The following MCTP1 variants were observed in gnomAD, a reference collection of about 807,000 sequenced individuals.
MCTP1 encodes the protein multiple C2 and transmembrane domain containing 1.
A neutral mutation model predicts 120.6 loss-of-function variants in MCTP1; 69 were observed. The observed-to-expected ratio is 0.57, with a 90% CI of 0.47 to 0.70. The LOEUF is 0.70. Among genes scored for constraint, MCTP1 ranks in the 30% least tolerant of loss-of-function variants. The pLI, the probability that MCTP1 is intolerant of heterozygous loss-of-function variation, is 0.00. For synonymous variants in MCTP1, 529 were observed against 493.1 expected, an observed-to-expected ratio of 1.07 and a Z score of -0.96; for missense variants, 1,203 against 1,248.8, an observed-to-expected ratio of 0.96 and a Z score of 0.55.
chr5:94,882,184 G>T (rs1167402252), intron 12 of MCTP1, among the ~76,000 whole-genome samples: 2 of 152,148 alleles, frequency 1.3e-5, no homozygotes, highest in East Asian at 3.9e-4. Flanking sequence ...ACATATACTG[G>T]TCTCACATAA....
intron 1 of MCTP1, among the ~76,000 whole-genome samples, chr5:95,146,568 T>C (rs1010018541): frequency 6.6e-6 from 1 of 152,170 alleles, no homozygotes; most frequent in Non-Finnish European, 1.5e-5. Context: ...CCCCAAAATT[T>C]TGGTAAGTTG....
At chr5:95,023,344 G>C (rs1838570122) in intron 1 of MCTP1, among the ~76,000 whole-genome samples, 1 of 152,208 alleles carries the variant, frequency 6.6e-6, no homozygotes, top group Non-Finnish European at 1.5e-5. Context: ...ATTTACAACT[G>C]TTCAGTTTAA....
intron 19 of MCTP1, among the ~76,000 whole-genome samples, chr5:94,740,127 TATC>T (rs754289953): frequency 4.7e-4 from 71 of 152,336 alleles, no homozygotes; most frequent in Non-Finnish European, 5.7e-4. Flanking sequence ...CATGTTGACT[TATC>T]ATTCTTAAAA....
intron 12 of MCTP1, among the ~76,000 whole-genome samples, chr5:94,883,237 T>C (rs1465147729): frequency 6.6e-6 from 1 of 152,196 alleles, no homozygotes; most frequent in Non-Finnish European, 1.5e-5. Flanking sequence ...CCAGGTATAT[T>C]ACCGTGATAA....
intron 2 of MCTP1, among the ~76,000 whole-genome samples, chr5:94,993,800 T>C (rs905932339): frequency 2.0e-5 from 3 of 152,210 alleles, no homozygotes; most frequent in African/African-American, 7.2e-5. Context: ...AATGTAGGCA[T>C]TAAAAACTTA....
chr5:94,988,868 A>C (rs1221113573), intron 2 of MCTP1, among the ~76,000 whole-genome samples: 2 of 152,074 alleles, frequency 1.3e-5, no homozygotes, highest in Non-Finnish European at 2.9e-5. Context: ...GGAGAGAGAG[A>C]ATGAGAGTCC....
intron 1 of MCTP1, among the ~76,000 whole-genome samples, chr5:95,226,292 G>A (rs760908060): frequency 5.3e-5 from 8 of 152,092 alleles, no homozygotes; most frequent in Non-Finnish European, 7.4e-5. Flanking sequence ...TTTAAATAGA[G>A]TATTGTGGCT....
intron 12 of MCTP1, among the ~76,000 whole-genome samples, chr5:94,887,407 A>G (rs1801579088): frequency 6.6e-6 from 1 of 152,182 alleles, no homozygotes; most frequent in Non-Finnish European, 1.5e-5. Flanking sequence ...TTGAAAATCA[A>G]TGACAGCTTC....
chr5:94,892,330 T>C (rs1297724132), intron 11 of MCTP1, among the ~76,000 whole-genome samples: 1 of 152,168 alleles, frequency 6.6e-6, no homozygotes, highest in African/African-American at 2.4e-5. Flanking sequence ...GACTGTGAAA[T>C]GTCATAATAA....
intron 3 of MCTP1, among the ~76,000 whole-genome samples, chr5:94,944,469 G>A (rs2153513699): frequency 6.6e-6 from 1 of 152,252 alleles, no homozygotes; most frequent in Admixed American, 6.5e-5. Flanking sequence ...AATTTCTCTT[G>A]TGGAATCTCA....
At chr5:95,254,482 C>G (rs1180769157) in intron 1 of MCTP1, among the ~76,000 whole-genome samples, 1 of 152,040 alleles carries the variant, frequency 6.6e-6, no homozygotes, top group Non-Finnish European at 1.5e-5. Flanking sequence ...TACATCTTAC[C>G]CACAAGCTTA....
At chr5:95,137,100 C>T (rs1759504835) in intron 1 of MCTP1, among the ~76,000 whole-genome samples, 1 of 152,174 alleles carries the variant, frequency 6.6e-6, no homozygotes, top group Non-Finnish European at 1.5e-5. Flanking sequence ...CAGTGTGATG[C>T]CCCCTGCTTA....
At chr5:95,280,859 C>G (rs1488948145) in intron 1 of MCTP1, among the ~76,000 whole-genome samples, 1 of 152,154 alleles carries the variant, frequency 6.6e-6, no homozygotes, top group East Asian at 1.9e-4. Context: ...CTTTCCCCAG[C>G]CGTCCAAACT....
intron 17 of MCTP1, among the ~76,000 whole-genome samples, chr5:94,856,159 C>A (rs934564929): frequency 6.6e-6 from 1 of 151,780 alleles, no homozygotes; most frequent in Admixed American, 6.6e-5. Flanking sequence ...AATCCCTGTG[C>A]TAACAGTGGT....
chr5:95,240,928 C>T (rs1756096827), intron 1 of MCTP1, among the ~76,000 whole-genome samples: 1 of 151,918 alleles, frequency 6.6e-6, no homozygotes, highest in East Asian at 1.9e-4. Flanking sequence ...TCTCCACCCA[C>T]CTCTTTTCTT....
At chr5:95,033,695 A>G (rs1488050427) in intron 1 of MCTP1, among the ~76,000 whole-genome samples, 1 of 151,988 alleles carries the variant, frequency 6.6e-6, no homozygotes, top group African/African-American at 2.4e-5. Flanking sequence ...TACCACTTCT[A>G]TTCAACATAG....
intron 12 of MCTP1, among the ~76,000 whole-genome samples, chr5:94,875,375 G>A (rs1375124098): frequency 6.6e-6 from 1 of 152,114 alleles, no homozygotes; most frequent in Admixed American, 6.5e-5. Context: ...ATGTTCTGGG[G>A]AGATTGGACA....
At chr5:94,825,664 T>C (rs1647070800) in intron 17 of MCTP1, among the ~76,000 whole-genome samples, 1 of 152,114 alleles carries the variant, frequency 6.6e-6, no homozygotes, top group Admixed American at 6.6e-5. Flanking sequence ...ACTATTATTG[T>C]GTGGGAGTCT....
At chr5:95,067,519 C>G (rs1292529849) in intron 1 of MCTP1, among the ~76,000 whole-genome samples, 1 of 151,918 alleles carries the variant, frequency 6.6e-6, no homozygotes, top group African/African-American at 2.4e-5. Flanking sequence ...GGATTTACAA[C>G]TAATATATTA....
Sources: gnomAD v4.1 joint callset for allele counts (sites outside exome capture counted in the v4.1 genomes callset) on GRCh38, gnomAD v4.1.1 for gene constraint, MANE v1.5 for transcripts, NCBI Gene and HGNC (gene_info 2026-07-23, HGNC 2026-07-21) for gene names.